PARD3B: variants seen among roughly 807,000 people sequenced by gnomAD.
PARD3B encodes the protein par-3 family cell polarity regulator beta.
PARD3B carries 103 observed loss-of-function variants against 130.2 expected under a neutral mutation model. That is an observed-to-expected ratio of 0.79 (90% CI 0.67 to 0.93). The LOEUF (loss-of-function observed/expected upper bound fraction) is 0.93, where lower values mean the gene tolerates loss of function less well. PARD3B is among the 40% of genes least tolerant of loss of function. The pLI, the probability that PARD3B is intolerant of heterozygous loss-of-function variation, is 0.00. For synonymous variants in PARD3B, 583 were observed against 553.2 expected, an observed-to-expected ratio of 1.05 and a Z score of -0.76; for missense variants, 1,609 against 1,499.2, an observed-to-expected ratio of 1.07 and a Z score of -1.21.
chr2:205,197,652 A>G (rs2036768663), intron 15 of PARD3B, among the ~76,000 whole-genome samples: 1 of 152,210 alleles, frequency 6.6e-6, no homozygotes, highest in Admixed American at 6.5e-5. Context: ...ATAAAAGGAA[A>G]TTTGTTTTTA....
At chr2:204,730,199 C>T (rs1396789834) in intron 2 of PARD3B, among the ~76,000 whole-genome samples, 2 of 152,004 alleles carry the variant, frequency 1.3e-5, no homozygotes, top group African/African-American at 2.4e-5. Context: ...ATCAGCCTCC[C>T]GAGTAGCTGG....
At chr2:205,557,001 C>G (rs999265208) in intron 22 of PARD3B, among the ~76,000 whole-genome samples, 1 of 152,144 alleles carries the variant, frequency 6.6e-6, no homozygotes, top group African/African-American at 2.4e-5. Flanking sequence ...TCTCAAGCCT[C>G]CATCATTCCC....
rs572448512 is a variant in PARD3B, at chr2:205,243,153, C to A, written c.2141-2625C>A. Among the ~76,000 whole-genome samples the A allele has an allele frequency of 5.3e-5, 8 of 151,440 alleles. No individual in the cohort carries two copies. The South Asian group carries it at 1.5e-3, about 28-fold the overall frequency. The stretch of plus-strand genomic sequence containing the variant: ...TGCACTTTAGCCTGGGCAACAAGAG[C>A]GAAACTCCGTCTCAAAAAAAAAAAA... On this transcript the variant is annotated intron_variant, in intron 15 of 22. Coordinates refer to ENST00000406610, the MANE Select transcript of PARD3B (RefSeq NM_001302769.2).
chr2:204,943,835 A>G lies in PARD3B; in HGVS notation c.223-21317A>G, dbSNP rs137962667. Among the ~76,000 whole-genome samples, 43 of 152,320 alleles carry G rather than the reference A, an allele frequency of 2.8e-4. No individual in the cohort carries two copies. The highest frequency in any genetic ancestry group is 1.0e-3 in the African/African-American group (42 of 41,574). Reference sequence around the variant, plus strand: ...AGGGAGACTGAGGCAACAAAGTTATATATAACACTAGAAAACTGAGATTTC... The same window carrying G: ...AGGGAGACTGAGGCAACAAAGTTATGTATAACACTAGAAAACTGAGATTTC... On this transcript the variant is annotated intron_variant, in intron 2 of 22. Coordinates refer to ENST00000406610, the MANE Select transcript of PARD3B (RefSeq NM_001302769.2). The surrounding 1 kb of genome is among the most constrained non-coding windows in gnomAD (Gnocchi z 4.2).
chr2:205,346,092 A>G (rs2043750272), intron 18 of PARD3B, among the ~76,000 whole-genome samples: 1 of 146,740 alleles, frequency 6.8e-6, no homozygotes, highest in Non-Finnish European at 1.5e-5. Flanking sequence ...AAATCTCTTG[A>G]ACTCGGGAGG....
intron 18 of PARD3B, among the ~76,000 whole-genome samples, chr2:205,365,864 C>T (rs2044589114): frequency 6.6e-6 from 1 of 152,162 alleles, no homozygotes; most frequent in Non-Finnish European, 1.5e-5. Context: ...CTGCCTATAT[C>T]GCCACACATG....
intron 1 of PARD3B, among the ~76,000 whole-genome samples, chr2:204,622,723 G>C (rs1248931511): frequency 6.6e-6 from 1 of 152,084 alleles, no homozygotes; most frequent in Non-Finnish European, 1.5e-5. Context: ...AGGTGGTATA[G>C]TAATGACAAG....
chr2:205,279,009 T>C (rs984452672), intron 16 of PARD3B, among the ~76,000 whole-genome samples: 1 of 132,014 alleles, frequency 7.6e-6, no homozygotes, highest in African/African-American at 2.8e-5. Flanking sequence ...AGGCGGAGCT[T>C]GCAGTGAGCC....
At position 205,324,464 on chromosome 2, in the gene PARD3B, G is replaced by T. The variant is rs376432250; in HGVS notation, c.2630+22763G>T. Among the ~76,000 whole-genome samples the T allele has an allele frequency of 5.3e-5, 8 of 152,154 alleles. No individual in the cohort carries two copies. The East Asian group carries it at 1.2e-3, about 22-fold the overall frequency. Reference sequence around the variant, plus strand: ...CTATTTGATGCAAATTACTGTTCAAGAAAGTAACTGAAATTTCCTTTCTTG... The same window carrying T: ...CTATTTGATGCAAATTACTGTTCAATAAAGTAACTGAAATTTCCTTTCTTG... On this transcript the variant is annotated intron_variant, in intron 18 of 22. Transcript: ENST00000406610.
rs562548951 is a variant in PARD3B at position 204,865,205 on chromosome 2, CTG to C, written c.223-99944_223-99943del. Among the ~76,000 whole-genome samples, 323 of 152,278 alleles carry C rather than the reference CTG, an allele frequency of 2.1e-3. 1 individual carries two copies. The highest frequency in any genetic ancestry group is 6.8e-3 in the Middle Eastern group (2 of 294). On this transcript the variant is annotated intron_variant, in intron 2 of 22. Coordinates refer to ENST00000406610, the MANE Select transcript of PARD3B (RefSeq NM_001302769.2). Reference sequence around the variant, plus strand: ...GAACTAGTACAACCACTATGGAAAACTGTGGAAATTTCTTAAAGAACTAAAAG... The same window carrying C: ...GAACTAGTACAACCACTATGGAAAACTGGAAATTTCTTAAAGAACTAAAAG...
intron 2 of PARD3B, among the ~76,000 whole-genome samples, chr2:204,935,251 T>C (rs553684960): frequency 4.6e-5 from 7 of 151,410 alleles, no homozygotes; most frequent in African/African-American, 9.7e-5. Flanking sequence ...AAAAATAGGC[T>C]GTGCGCAGTG....
intron 3 of PARD3B, among the ~76,000 whole-genome samples, chr2:205,025,857 G>A (rs1301781124): frequency 1.3e-5 from 2 of 152,152 alleles, no homozygotes; most frequent in Admixed American, 1.3e-4. Flanking sequence ...AGTTGAGTCA[G>A]CAACCTGTAT....
chr2:204,707,467 T>G (rs147000533), intron 2 of PARD3B, among the ~76,000 whole-genome samples: 23 of 152,326 alleles, frequency 1.5e-4, no homozygotes, highest in African/African-American at 5.1e-4. Flanking sequence ...ATTGAAACTT[T>G]TCTTGGTATT....
intron 21 of PARD3B, among the ~76,000 whole-genome samples, chr2:205,526,485 A>G (rs1373823307): frequency 1.3e-5 from 2 of 152,214 alleles, no homozygotes; most frequent in Non-Finnish European, 2.9e-5. Context: ...AGTCTGCAGC[A>G]GCTCTGGGGC....
intron 1 of PARD3B, among the ~76,000 whole-genome samples, chr2:204,566,850 C>T (rs2031699212): frequency 6.7e-6 from 1 of 150,318 alleles, no homozygotes; most frequent in Non-Finnish European, 1.5e-5. Flanking sequence ...GTATGTATAC[C>T]TGTGGGTAGG....
chr2:204,944,351 T>A (rs1432069250), intron 2 of PARD3B, among the ~76,000 whole-genome samples: 1 of 152,168 alleles, frequency 6.6e-6, no homozygotes, highest in Admixed American at 6.5e-5. Flanking sequence ...TGTCAATGGC[T>A]TCTGTCCCCC....
chr2:205,245,641 C>G, intron 15 of PARD3B, 137 bp from the exon 16 acceptor site: 1 of 596,490 alleles, frequency 1.7e-6, no homozygotes, highest in Middle Eastern at 3.3e-4. Flanking sequence ...CCAGGGTAGG[C>G]TGGGAGAAAA....
intron 3 of PARD3B, among the ~76,000 whole-genome samples, chr2:205,035,108 C>G (rs924402425): frequency 1.3e-5 from 2 of 152,106 alleles, no homozygotes; most frequent in South Asian, 2.1e-4. Context: ...GGTGATCCCC[C>G]CCCCTCAGCC....
At position 205,291,366 on chromosome 2, in the gene PARD3B, G is replaced by A. The variant is rs567341643; in HGVS notation, c.2186-9164G>A. On this transcript the variant is annotated intron_variant, in intron 16 of 22. Coordinates refer to ENST00000406610, the MANE Select transcript of PARD3B (RefSeq NM_001302769.2). The surrounding 1 kb of genome is among the most constrained non-coding windows in gnomAD (Gnocchi z 4.6). ...ATACCCACATAATCTTGAATAGAAC[G>A]TTGGTAGAAATATGGATGGTAAAGG... Among the ~76,000 whole-genome samples, 3 of 152,292 alleles carry A rather than the reference G, an allele frequency of 2.0e-5. No homozygotes were observed. Among genetic ancestry groups the A allele is most frequent in the South Asian group, 2.1e-4 (1 of 4,822 alleles).
Sources: allele counts gnomAD v4.1 joint callset (sites outside exome capture counted in the v4.1 genomes callset), GRCh38; gene constraint gnomAD v4.1.1; non-coding constraint Gnocchi (gnomAD v3.1); transcripts MANE v1.5; gene names NCBI Gene and HGNC (gene_info 2026-07-23, HGNC 2026-07-21).